TRPM3: variants seen among roughly 807,000 people sequenced by gnomAD.
The protein encoded by TRPM3 is transient receptor potential cation channel subfamily M member 3.
A neutral mutation model predicts 181.2 loss-of-function variants in TRPM3; 77 were observed. That is an observed-to-expected ratio of 0.42 (90% CI 0.35 to 0.51). The LOEUF is 0.51. Among genes scored for constraint, TRPM3 ranks in the 20% least tolerant of loss-of-function variants. The pLI, the probability that TRPM3 is intolerant of heterozygous loss-of-function variation, is 0.01. For missense variants in TRPM3, 1,759 were observed against 2,196.7 expected (o/e 0.80, Z 3.98); for synonymous variants, 745 against 796.4 (o/e 0.94, Z 1.09).
chr9:70,686,635 C>A (rs2066883917), intron 8 of TRPM3, among the ~76,000 whole-genome samples: 1 of 103,786 alleles, frequency 9.6e-6, no homozygotes, highest in Non-Finnish European at 1.9e-5. Flanking sequence ...CTCCTTCCTC[C>A]CTCACTCCCT....
At chr9:70,691,281 T>G (rs2068464049) in intron 8 of TRPM3, among the ~76,000 whole-genome samples, 1 of 152,214 alleles carries the variant, frequency 6.6e-6, no homozygotes, top group Admixed American at 6.5e-5. Flanking sequence ...TTGATATGAT[T>G]CTAGTATGTC....
intron 1 of TRPM3, among the ~76,000 whole-genome samples, chr9:70,975,324 C>T (rs2097292281): frequency 6.6e-6 from 1 of 152,048 alleles, no homozygotes; most frequent in Admixed American, 6.6e-5. Flanking sequence ...GGAAAAGGAG[C>T]TTGTTACTTG....
At chr9:70,780,976 T>C (rs1206516569) in intron 7 of TRPM3, among the ~76,000 whole-genome samples, 1 of 146,234 alleles carries the variant, frequency 6.8e-6, no homozygotes, top group Non-Finnish European at 1.5e-5. Context: ...ATTGTGCTTT[T>C]GCATATTTTG....
chr9:70,761,043 C>A lies in TRPM3; in HGVS notation c.1272+558G>T, dbSNP rs908241791. ...TTTGAGTAAGCAGAGAACAAAATCA[C>A]ATGATTTTGTTCACCCTAGCAGGGT... is the stretch of plus-strand genomic sequence containing the variant. On this transcript the variant is annotated intron_variant, in intron 8 of 25. Coordinates refer to ENST00000677713, the MANE Select transcript of TRPM3 (RefSeq NM_001366145.2). 3.5e-5 allele frequency: 6 copies of A among 171,102 alleles called. No homozygotes were observed. In the East Asian group the frequency reaches 8.5e-4, roughly 24 times the overall value. 10.6% of individuals were successfully genotyped at this position (171,102 alleles called of 1,614,324 possible). A position where few individuals can be genotyped will look rare whatever the true frequency, so the allele number is the denominator to read the frequency against.
At chr9:71,136,044 C>A (rs1445888280) in intron 1 of TRPM3, among the ~76,000 whole-genome samples, 1 of 152,118 alleles carries the variant, frequency 6.6e-6, no homozygotes, top group East Asian at 1.9e-4. Flanking sequence ...TCAATCAATT[C>A]CTCTACATGT....
chr9:70,571,364 T>G (rs1228844435), intron 22 of TRPM3, among the ~76,000 whole-genome samples: 1 of 152,272 alleles, frequency 6.6e-6, no homozygotes, highest in East Asian at 1.9e-4. Context: ...GTTGCTGATA[T>G]GTGTAAAGGT....
intron 6 of TRPM3, among the ~76,000 whole-genome samples, chr9:70,798,715 G>T (rs1200188336): frequency 6.6e-6 from 1 of 152,154 alleles, no homozygotes; most frequent in African/African-American, 2.4e-5. Flanking sequence ...AGGACTAGAA[G>T]AGCTAAAGGG....
At chr9:71,058,762 A>G (rs984332723) in intron 1 of TRPM3, among the ~76,000 whole-genome samples, 2 of 152,036 alleles carry the variant, frequency 1.3e-5, no homozygotes, top group African/African-American at 4.8e-5. Flanking sequence ...TATGTAAATA[A>G]GCCAAAACCT....
intron 22 of TRPM3, among the ~76,000 whole-genome samples, chr9:70,585,962 CCATACT>C (rs2057052841): frequency 6.6e-6 from 1 of 152,182 alleles, no homozygotes; most frequent in Non-Finnish European, 1.5e-5. Flanking sequence ...CTACCATCAG[CCATACT>C]AAATATCCAC....
In TRPM3 at chr9:70,619,406, CTTTTTTTTTT is replaced by C. The variant is rs1170887633; in HGVS notation, c.2130-321_2130-312del. ...GAGTACAGTATGTCATCGTCGTCTT[CTTTTTTTTTT>C]TTTTTTTTTTTTTTTGAGACAGGGT... On this transcript the variant is annotated intron_variant, in intron 16 of 25. Coordinates refer to ENST00000677713, the MANE Select transcript of TRPM3 (RefSeq NM_001366145.2). Among the ~76,000 whole-genome samples, 42 of 81,438 alleles carry C rather than the reference CTTTTTTTTTT, an allele frequency of 5.2e-4. No homozygotes were observed. In the East Asian group the frequency reaches 7.6e-3, roughly 15 times the overall value. 53.4% of individuals were successfully genotyped at this position (81,438 alleles called of 152,430 possible).
intron 1 of TRPM3, among the ~76,000 whole-genome samples, chr9:70,933,343 G>A (rs2096793783): frequency 6.6e-6 from 1 of 152,208 alleles, no homozygotes; most frequent in Non-Finnish European, 1.5e-5. Context: ...AAGGGTAAGA[G>A]GAGAATAGGA....
chr9:70,697,229 A>G (rs949401940), intron 8 of TRPM3, among the ~76,000 whole-genome samples: 1 of 152,218 alleles, frequency 6.6e-6, no homozygotes, highest in Non-Finnish European at 1.5e-5. Flanking sequence ...ATGGAAAAAC[A>G]TGACTTTTCT....
At chr9:70,793,588 A>G (rs1200550521) in intron 6 of TRPM3, 5 of 470,168 alleles carry the variant, frequency 1.1e-5, no homozygotes, top group South Asian at 7.7e-5. Context: ...GCATGAGATT[A>G]TCATGATCAA....
At chr9:70,572,406 T>C (rs2052680803) in intron 22 of TRPM3, among the ~76,000 whole-genome samples, 1 of 152,214 alleles carries the variant, frequency 6.6e-6, no homozygotes, top group African/African-American at 2.4e-5. Context: ...GTTTGTACAT[T>C]ACTATTAGCT....
Position 70,867,999 on chromosome 9 carries a change from C to T in TRPM3, c.178-3488G>A, listed in dbSNP as rs535125151. Among the ~76,000 whole-genome samples the T allele has an allele frequency of 3.9e-5, 6 of 152,110 alleles. No homozygotes were observed. In the East Asian group the frequency reaches 5.8e-4, roughly 15 times the overall value. ...ATTGTTAGAAAGCATGAAATAGTTTCGATGTGCTGTGTTTCTAGCTGACCC... is the reference window on the plus strand; with the variant it reads ...ATTGTTAGAAAGCATGAAATAGTTTTGATGTGCTGTGTTTCTAGCTGACCC... On this transcript the variant is annotated intron_variant, in intron 1 of 25. Coordinates refer to ENST00000677713, the MANE Select transcript of TRPM3 (RefSeq NM_001366145.2).
intron 1 of TRPM3, among the ~76,000 whole-genome samples, chr9:71,390,935 G>A (rs754770245): frequency 1.3e-5 from 2 of 151,946 alleles, no homozygotes; most frequent in Non-Finnish European, 2.9e-5. Flanking sequence ...CAAAGATTAA[G>A]AGACTTGAAG....
At chr9:70,539,367 A>G (rs1306839059) in intron 25 of TRPM3, among the ~76,000 whole-genome samples, 1 of 152,050 alleles carries the variant, frequency 6.6e-6, no homozygotes, top group African/African-American at 2.4e-5. Flanking sequence ...GCCTTGGGGC[A>G]CATTTCTGCC....
intron 9 of TRPM3, among the ~76,000 whole-genome samples, chr9:70,652,900 G>A (rs1357146523): frequency 6.6e-6 from 1 of 152,180 alleles, no homozygotes; most frequent in Non-Finnish European, 1.5e-5. Context: ...GAGTGAGTGA[G>A]TGAGTCAAGA....
intron 7 of TRPM3, among the ~76,000 whole-genome samples, chr9:70,762,172 C>A (rs1237565704): frequency 6.6e-6 from 1 of 152,100 alleles, no homozygotes; most frequent in Non-Finnish European, 1.5e-5. Flanking sequence ...GACAGTATTT[C>A]ATTAATAAGT....
Sources: allele counts gnomAD v4.1 joint callset (sites outside exome capture counted in the v4.1 genomes callset), GRCh38; gene constraint gnomAD v4.1.1; transcripts MANE v1.5; gene names NCBI Gene and HGNC (gene_info 2026-07-23, HGNC 2026-07-21).